C12orf42: variants seen among roughly 807,000 people sequenced by gnomAD.
C12orf42 encodes uncharacterized protein C12orf42.
C12orf42 carries 25 observed loss-of-function variants against 21.6 expected under a neutral mutation model. The ratio of observed to expected loss-of-function variants is 1.16; its 90% confidence interval spans 0.84 to 1.62. The LOEUF is 1.62. Among genes scored for constraint, C12orf42 ranks in the 40% most tolerant of loss-of-function variants. C12orf42 has a pLI of 0.00. For missense variants in C12orf42, 483 were observed against 459.3 expected (o/e 1.05, Z -0.47); for synonymous variants, 174 against 175.0 (o/e 0.99, Z 0.05).
chr12:103,324,597 A>G (rs1284837734), intron 4 of C12orf42, among the ~76,000 whole-genome samples: 1 of 152,168 alleles, frequency 6.6e-6, no homozygotes, highest in Non-Finnish European at 1.5e-5. Context: ...TGTTCTGTTC[A>G]TATTTTATGC....
the C12orf42 span, among the ~76,000 whole-genome samples, chr12:103,114,093 C>A: frequency 6.6e-6 from 1 of 151,970 alleles, no homozygotes; most frequent in African/African-American, 2.4e-5. Context: ...AACTAACAAA[C>A]AACCTTTAAT....
upstream of C12orf42, among the ~76,000 whole-genome samples, chr12:103,500,501 C>A (rs1955692259): frequency 6.6e-6 from 1 of 152,134 alleles, no homozygotes; most frequent in Non-Finnish European, 1.5e-5. Context: ...TTGGGTAAAA[C>A]AAAGATATGC....
chr12:103,300,175 T>C (rs1473931597), downstream of C12orf42, among the ~76,000 whole-genome samples: 1 of 152,224 alleles, frequency 6.6e-6, no homozygotes, highest in Non-Finnish European at 1.5e-5. Flanking sequence ...ATAAGTTTTT[T>C]TCAAAAACAC....
chr12:103,306,431 G>A, intron 4 of C12orf42, 86 bp from the exon 5 acceptor site: 1 of 1,435,476 alleles, frequency 7.0e-7, no homozygotes, highest in Non-Finnish European at 9.2e-7. Context: ...CAGGTAATAT[G>A]TAAACTTTTG....
At chr12:103,105,178 A>G in the C12orf42 span, among the ~76,000 whole-genome samples, 3 of 152,204 alleles carry the variant, frequency 2.0e-5, no homozygotes, top group Admixed American at 6.5e-5. Context: ...GAAAATACAT[A>G]TAATGATGAT....
At chr12:103,061,471 G>C in the C12orf42 span, among the ~76,000 whole-genome samples, 1 of 151,286 alleles carries the variant, frequency 6.6e-6, no homozygotes, top group Non-Finnish European at 1.5e-5. Flanking sequence ...ATTAAATAAA[G>C]TATGTTAGTA....
At chr12:103,393,508 T>C (rs995357405) in intron 3 of C12orf42, among the ~76,000 whole-genome samples, 1 of 152,172 alleles carries the variant, frequency 6.6e-6, no homozygotes, top group Non-Finnish European at 1.5e-5. Flanking sequence ...ATCCAAACTA[T>C]ACTAGCTTCT....
the C12orf42 span, among the ~76,000 whole-genome samples, chr12:103,085,513 C>T: frequency 2.0e-5 from 3 of 151,788 alleles, no homozygotes; most frequent in African/African-American, 7.3e-5. Flanking sequence ...AGTCACTGTG[C>T]CTGCTGCAAA....
At chr12:103,392,081 C>T (rs1014506194) in intron 3 of C12orf42, among the ~76,000 whole-genome samples, 1 of 152,176 alleles carries the variant, frequency 6.6e-6, no homozygotes, top group Non-Finnish European at 1.5e-5. Flanking sequence ...GTTGAAAAAA[C>T]TCCTTGCTCC....
intron 4 of C12orf42, among the ~76,000 whole-genome samples, chr12:103,292,404 T>A (rs576129378): frequency 1.3e-5 from 2 of 152,134 alleles, no homozygotes; most frequent in South Asian, 4.1e-4. Flanking sequence ...TCAATAAAGC[T>A]GTCAAAATAA....
At chr12:103,554,969 A>C in the C12orf42 span, among the ~76,000 whole-genome samples, 1 of 152,134 alleles carries the variant, frequency 6.6e-6, no homozygotes, top group African/African-American at 2.4e-5. Context: ...TGAGCCTGGG[A>C]AAGGACGGTA....
chr12:103,372,384 G>T (rs2094141341), intron 3 of C12orf42, among the ~76,000 whole-genome samples: 1 of 152,096 alleles, frequency 6.6e-6, no homozygotes, highest in Non-Finnish European at 1.5e-5. Flanking sequence ...TGCAAATTTT[G>T]ATTCACATAT....
At chr12:103,092,860 G>C in the C12orf42 span, among the ~76,000 whole-genome samples, 2 of 152,122 alleles carry the variant, frequency 1.3e-5, no homozygotes, top group African/African-American at 4.8e-5. Flanking sequence ...ATTCTTTGCC[G>C]CTCTGTCCAG....
chr12:103,192,597 T>G, the C12orf42 span, among the ~76,000 whole-genome samples: 1 of 151,678 alleles, frequency 6.6e-6, no homozygotes, highest in African/African-American at 2.4e-5. Flanking sequence ...ATAGGTGCTA[T>G]AGTAACATGA....
At chr12:103,412,347 G>A (rs746060006) in intron 2 of C12orf42, among the ~76,000 whole-genome samples, 26 of 152,130 alleles carry the variant, frequency 1.7e-4, no homozygotes, top group African/African-American at 4.1e-4. Context: ...CACATGTGAC[G>A]GTGTTCATCA....
the C12orf42 span, among the ~76,000 whole-genome samples, chr12:103,198,800 A>G: frequency 6.6e-6 from 1 of 152,060 alleles, no homozygotes; most frequent in African/African-American, 2.4e-5. Flanking sequence ...TTCCTCCCCC[A>G]TGATCCCAGG....
intron 10 of C12orf42, among the ~76,000 whole-genome samples, chr12:103,238,782 T>A (rs747317279): frequency 2.6e-5 from 4 of 152,178 alleles, no homozygotes; most frequent in Non-Finnish European, 5.9e-5. Flanking sequence ...TGGCCAGGAC[T>A]GAGCTCTGAT....
the C12orf42 span, among the ~76,000 whole-genome samples, chr12:103,154,408 C>A: frequency 5.3e-5 from 8 of 152,192 alleles, no homozygotes; most frequent in African/African-American, 1.7e-4. Context: ...GTTCAGGTAC[C>A]CATCAGCATC....
At chr12:103,503,459 A>G in the C12orf42 span, 1 of 152,376 alleles carries the variant, frequency 6.6e-6, no homozygotes, top group African/African-American at 2.4e-5. Flanking sequence ...GGGTCTCAAG[A>G]CTAAGAAAGA....
Sources: gnomAD v4.1 joint callset for allele counts (sites outside exome capture counted in the v4.1 genomes callset) on GRCh38, gnomAD v4.1.1 for gene constraint, MANE v1.5 for transcripts, NCBI Gene and HGNC (gene_info 2026-07-23, HGNC 2026-07-21) for gene names.